Variants in SZT2 observed in about 807,000 individuals in gnomAD.
SZT2 encodes the protein KICSTOR complex protein SZT2.
A neutral mutation model predicts 404.2 loss-of-function variants in SZT2; 216 were observed. The ratio of observed to expected loss-of-function variants is 0.53; its 90% CI spans 0.48 to 0.60. The LOEUF (loss-of-function observed/expected upper bound fraction) is 0.60, where lower values mean the gene tolerates loss of function less well. Among genes scored for constraint, SZT2 ranks in the 20% least tolerant of loss-of-function variants. SZT2 has a pLI of 0.00. For missense variants in SZT2, 3,857 were observed against 4,459.2 expected, an observed-to-expected ratio of 0.86 and a Z score of 3.85; for synonymous variants, 1,693 against 1,749.9, an observed-to-expected ratio of 0.97 and a Z score of 0.81.
Position 43,415,144 on chromosome 1 carries a change from T to C in SZT2, c.561T>C (p.Tyr187=). Residue 187 remains tyrosine, a synonymous_variant, in exon 5 of 72, where the codon TAT becomes TAC. Coordinates refer to ENST00000634258, the MANE Select transcript of SZT2 (RefSeq NM_001365999.1). ...GGGAGGTGTTCCTGCAGCAGATATA[T>C]GAGCAGCTCTGCCTCTTTGAGGATA... ...SQREVFLQQI[Y]EQLCLFEDKV... 3.1e-6 allele frequency: 5 copies of C among 1,598,080 alleles called. No homozygotes were observed. Among genetic ancestry groups the C allele is most frequent in the Non-Finnish European group, 4.2e-6 (5 of 1,179,598 alleles).
intron 7 of SZT2, among the ~76,000 whole-genome samples, chr1:43,417,648 CT>C (rs1188227258): frequency 1.3e-5 from 2 of 152,272 alleles, no homozygotes; most frequent in African/African-American, 4.8e-5. Flanking sequence ...ACTTATCTCA[CT>C]GGGAGGTGAG....
Position 43,426,702 on chromosome 1 carries a change from A to C in SZT2, c.3215-13A>C. 2 of 1,595,350 alleles carry C rather than the reference A, an allele frequency of 1.3e-6. No individual in the cohort carries two copies. On this transcript the variant is annotated splice_polypyrimidine_tract_variant and intron_variant, in intron 22 of 71. Coordinates refer to ENST00000634258, the MANE Select transcript of SZT2 (RefSeq NM_001365999.1). This position sits in a 1 kb window ranked among gnomAD's most constrained non-coding sequence, Gnocchi z 4.9. Reference sequence around the variant, plus strand: ...GCCCTGCCCTCTTTCACCCATCTCTACCCCCATTGTAGGTGCCGAGGGGCC... The same window carrying C: ...GCCCTGCCCTCTTTCACCCATCTCTCCCCCCATTGTAGGTGCCGAGGGGCC...
In SZT2 at chr1:43,442,537, T is replaced by C. The variant is rs1238740609; in HGVS notation, c.8070T>C (p.His2690=). The C allele has an allele frequency of 1.9e-6, 3 of 1,614,098 alleles. No individual in the cohort carries two copies. In the Admixed American group the frequency reaches 5.0e-5, roughly 27 times the overall value. ...TGCAGTGGCAGAATGCACGAGCCCA[T>C]CTCATCTTCTGCCTACTCAGCCAGA... ...RLVQWQNARA[H]LIFCLLSQKL... The change falls in exon 58 of 72, where the codon CAT becomes CAC. Residue 2690 remains histidine (H), a synonymous_variant. Transcript: ENST00000634258. The surrounding 1 kb of genome is among the most constrained non-coding windows in gnomAD (Gnocchi z 4.5).
Position 43,451,527 on chromosome 1 carries a change from G to A in SZT2, c.*1047G>A. 1 of 1,614,092 alleles carries A rather than the reference G, an allele frequency of 6.2e-7. No individual in the cohort carries two copies. Among genetic ancestry groups the A allele is most frequent in the South Asian group, 1.1e-5 (1 of 91,078 alleles). ...CTGGGCTCCCCTCGGCCTGGGACCTGTGCCACCTGCACATGCCCTGGGGAC... is the reference window on the plus strand; with the variant it reads ...CTGGGCTCCCCTCGGCCTGGGACCTATGCCACCTGCACATGCCCTGGGGAC... On this transcript the variant is annotated 3_prime_UTR_variant, in exon 72 of 72. Transcript: ENST00000634258.
Position 43,451,151 on chromosome 1 carries a change from G to T in SZT2, c.*671G>T. 2 of 1,237,708 alleles carry T rather than the reference G, an allele frequency of 1.6e-6. No individual in the cohort carries two copies. Among genetic ancestry groups the T allele is most frequent in the South Asian group, 1.2e-5 (1 of 83,646 alleles). The allele number at this position is 1,237,708 out of a possible 1,614,324, so 76.7% of individuals were successfully genotyped here. ...CCACCACCCCATTACAGAGACATAT[G>T]ACAATGTTCAGCAGGTCATCTTTAA... is the stretch of plus-strand genomic sequence containing the variant. On this transcript the variant is annotated 3_prime_UTR_variant, in exon 72 of 72. Coordinates refer to ENST00000634258, the MANE Select transcript of SZT2 (RefSeq NM_001365999.1).
rs1416684848 is a variant in SZT2 at position 43,423,024 on chromosome 1, ACTT to A, written c.2038-74_2038-72del. 3 of 1,516,698 alleles carry A rather than the reference ACTT, an allele frequency of 2.0e-6. No individual in the cohort carries two copies. The East Asian group carries it at 7.3e-5, about 37-fold the overall frequency. 94.0% of individuals were successfully genotyped at this position (1,516,698 alleles called of 1,614,324 possible). On this transcript the variant is annotated intron_variant, in intron 14 of 71. Transcript: ENST00000634258. The stretch of plus-strand genomic sequence containing the variant: ...GACCTGGAGAAGAGGGCTGTGTCTC[ACTT>A]TGTCTGTGAGCCCCTTCTCCCAGAC...
In SZT2 at chr1:43,416,573, G is replaced by C; in HGVS notation, c.811G>C (p.Asp271His). The change falls in exon 7 of 72, where the codon GAT becomes CAT. Residue 271 changes from aspartate (D) to histidine (H), a missense_variant. By Grantham distance (81) the Asp-to-His change is moderately conservative (BLOSUM62 -1). This residue lies in a region of SZT2 where 536 missense variants were observed against 637.4 expected (regional missense o/e 0.84). Transcript: ENST00000634258. ...CACGGATGGGGTGACCAGTGTACCTGATGTTGCTGTCTGTGAGACACTGCT... is the reference window on the plus strand; with the variant it reads ...CACGGATGGGGTGACCAGTGTACCTCATGTTGCTGTCTGTGAGACACTGCT... ...VITDGVTSVPDVAVCETLLNQ... is the reference protein window; with the variant it reads ...VITDGVTSVPHVAVCETLLNQ... 1 of 1,598,394 alleles carries C rather than the reference G, an allele frequency of 6.3e-7. No individual in the cohort carries two copies. The highest frequency in any genetic ancestry group is 8.5e-7 in the Non-Finnish European group (1 of 1,179,796).
At chr1:43,423,803 A>G (rs1474103973) in intron 15 of SZT2, among the ~76,000 whole-genome samples, 9 of 142,714 alleles carry the variant, frequency 6.3e-5, no homozygotes, top group Admixed American at 2.1e-4. Context: ...TTAGGGGGGT[A>G]TGAGTGATAC....
chr1:43,439,868 G>T lies in SZT2; in HGVS notation c.7043-13G>T. On this transcript the variant is annotated splice_polypyrimidine_tract_variant and intron_variant, in intron 50 of 71. Transcript: ENST00000634258. This position sits in a 1 kb window ranked among gnomAD's most constrained non-coding sequence, Gnocchi z 4.2. ...TCTAGGGACACCCTCAAGTGTCCCT[G>T]TTCTCCTTCCAGCTCAGAATGGGGC... 6.3e-7 allele frequency: 1 copy of T among 1,580,932 alleles called. No homozygotes were observed. The highest frequency in any genetic ancestry group is 8.6e-7 in the Non-Finnish European group (1 of 1,163,200).
At position 43,437,062 on chromosome 1, in the gene SZT2, G is replaced by C; in HGVS notation, c.6035-109G>C. On this transcript the variant is annotated intron_variant, in intron 42 of 71. Transcript: ENST00000634258. The surrounding 1 kb of genome is among the most constrained non-coding windows in gnomAD (Gnocchi z 5.3). ...GATCATCATTTCTCTGCAATAGTCA[G>C]GGATGAGTCTGGAGGAGTGAGGACA... 7.2e-7 allele frequency: 1 copy of C among 1,387,764 alleles called. No homozygotes were observed. Among genetic ancestry groups the C allele is most frequent in the Non-Finnish European group, 9.9e-7 (1 of 1,008,060 alleles). The allele number at this position is 1,387,764 out of a possible 1,614,324, so 86.0% of individuals were successfully genotyped here. A position where few individuals can be genotyped will look rare whatever the true frequency, so the allele number is the denominator to read the frequency against.
chr1:43,396,972 GA>G (rs1570540656), intron 1 of SZT2, among the ~76,000 whole-genome samples: 1 of 152,228 alleles, frequency 6.6e-6, no homozygotes, highest in East Asian at 1.9e-4. Context: ...CATGTTGATA[GA>G]AGAGTGAAAA....
At position 43,453,566 on chromosome 1, in the gene SZT2, C is replaced by A. The variant is rs921627372; in HGVS notation, c.*3086C>A. Reference sequence around the variant, plus strand: ...TGCCCGCGCCCCGGCACCCCCCAGCCCTCCCAGCCCTCCCGGCCCGCGACG... The same window carrying A: ...TGCCCGCGCCCCGGCACCCCCCAGCACTCCCAGCCCTCCCGGCCCGCGACG... On this transcript the variant is annotated 3_prime_UTR_variant, in exon 72 of 72. Transcript: ENST00000634258. 1.3e-6 allele frequency: 2 copies of A among 1,516,810 alleles called. No individual in the cohort carries two copies. The highest frequency in any genetic ancestry group is 2.1e-5 in the Admixed American group (1 of 47,530). 94.0% of individuals were successfully genotyped at this position (1,516,810 alleles called of 1,614,324 possible).
chr1:43,408,392 A>C (rs1650594987), intron 4 of SZT2, among the ~76,000 whole-genome samples: 2 of 152,016 alleles, frequency 1.3e-5, no homozygotes, highest in African/African-American at 4.8e-5. Context: ...CCTGCCAAGT[A>C]GCTAGGACTA....
Position 43,421,190 on chromosome 1 carries a change from C to T in SZT2, c.1513C>T (p.Gln505Ter), listed in dbSNP as rs1197104410. The change falls in exon 11 of 72, where the codon CAG becomes TAG. Residue 505 changes from glutamine (Q) to a stop codon, truncating the protein, a stop_gained. Transcript: ENST00000634258. LOFTEE classifies it high-confidence loss of function. ...NTLQSINQTDQMLAHLQSFSS... is the reference protein window; with the variant it reads ...NTLQSINQTD ...ATTCTACAGCATCAACCAGACAGAC[C>T]AGATGCTTGCCCACCTTCAGTCCTT... 3.8e-6 allele frequency: 6 copies of T among 1,598,488 alleles called. No homozygotes were observed. The South Asian group carries it at 6.6e-5, about 18-fold the overall frequency.
intron 6 of SZT2, 43 bp from the exon 7 acceptor site, chr1:43,416,492 C>A: frequency 6.4e-7 from 1 of 1,551,460 alleles, no homozygotes; most frequent in Non-Finnish European, 8.8e-7. Context: ...TGAGTTTGGT[C>A]TGGCCAGTGT....
intron 26 of SZT2, 126 bp downstream of exon 26, chr1:43,427,860 C>A: frequency 7.4e-7 from 1 of 1,353,380 alleles, no homozygotes. Flanking sequence ...TGCTTGATTT[C>A]CCTCAGCAAA....
chr1:43,407,995 G>A (rs949224417), intron 4 of SZT2, among the ~76,000 whole-genome samples: 2 of 151,748 alleles, frequency 1.3e-5, no homozygotes, highest in Admixed American at 1.3e-4. Context: ...ACCACGCCCG[G>A]CTAATTTTTT....
In SZT2 at chr1:43,431,106, T is replaced by G; in HGVS notation, c.4916+16T>G. On this transcript the variant is annotated intron_variant, in intron 33 of 71. Transcript: ENST00000634258. ...AGCACCACCGGTGTGGCAGCAAGTT[T>G]GGTGGGGGGTTTGGGACCTTTTTAG... The G allele has an allele frequency of 6.2e-7, 1 of 1,610,972 alleles. No homozygotes were observed.
intron 36 of SZT2, 135 bp downstream of exon 36, chr1:43,432,036 T>A (rs1020795569): frequency 8.1e-7 from 1 of 1,232,766 alleles, no homozygotes; most frequent in Non-Finnish European, 1.1e-6. Context: ...CACCACATCA[T>A]CTGCCCTAAC....
Sources: gnomAD v4.1 joint callset for allele counts (sites outside exome capture counted in the v4.1 genomes callset) on GRCh38, gnomAD v4.1.1 for gene constraint, gnomAD v4.1.1 regional missense constraint, Gnocchi (gnomAD v3.1) non-coding constraint, MANE v1.5 for transcripts, NCBI Gene and HGNC (gene_info 2026-07-23, HGNC 2026-07-21) for gene names.